The following CUBN variants were observed in gnomAD, a reference collection of about 807,000 sequenced individuals.
CUBN encodes 460 kDa receptor.
In CUBN, 282 loss-of-function variants were observed where a neutral mutation model predicts 405.3. That is an observed-to-expected ratio of 0.70 (90% confidence interval 0.63 to 0.77). CUBN has a LOEUF of 0.77. CUBN is among the 30% of genes least tolerant of loss of function. CUBN has a pLI of 0.00. For missense variants in CUBN, 4,514 were observed against 4,475.2 expected (o/e 1.01, Z -0.25); for synonymous variants, 1,684 against 1,617.0 (o/e 1.04, Z -0.99).
intron 28 of CUBN, among the ~76,000 whole-genome samples, chr10:17,001,229 A>G (rs1833869720): frequency 6.6e-6 from 1 of 152,226 alleles, no homozygotes; most frequent in Non-Finnish European, 1.5e-5. Flanking sequence ...CCAAAGAGTG[A>G]GCAGCAGCAA....
chr10:16,871,443 T>C (rs1840350762), intron 58 of CUBN, among the ~76,000 whole-genome samples: 1 of 149,894 alleles, frequency 6.7e-6, no homozygotes, highest in Non-Finnish European at 1.5e-5. Context: ...ATAAAATATA[T>C]AATAAATGCT....
At chr10:16,898,681 T>A (rs1841266930) in intron 54 of CUBN, among the ~76,000 whole-genome samples, 1 of 152,056 alleles carries the variant, frequency 6.6e-6, no homozygotes, top group Non-Finnish European at 1.5e-5. Context: ...GACTGTGGGG[T>A]CTTAATGCCC....
At chr10:17,042,445 T>C (rs984153288) in intron 26 of CUBN, among the ~76,000 whole-genome samples, 1 of 152,144 alleles carries the variant, frequency 6.6e-6, no homozygotes, top group Non-Finnish European at 1.5e-5. Context: ...TTACAGATAA[T>C]CTCACTAGTT....
chr10:17,118,907 T>C (rs1266623659), intron 6 of CUBN, among the ~76,000 whole-genome samples: 2 of 152,260 alleles, frequency 1.3e-5, no homozygotes, highest in Non-Finnish European at 2.9e-5. Flanking sequence ...AGTTATTAGT[T>C]ACTGATATAG....
At chr10:17,000,782 T>A (rs1365459901) in intron 28 of CUBN, among the ~76,000 whole-genome samples, 2 of 152,252 alleles carry the variant, frequency 1.3e-5, no homozygotes, top group Non-Finnish European at 2.9e-5. Flanking sequence ...GACACATCAC[T>A]TAACTTGTCT....
intron 6 of CUBN, among the ~76,000 whole-genome samples, chr10:17,115,800 T>C (rs1010607843): frequency 5.3e-5 from 8 of 152,266 alleles, no homozygotes; most frequent in Non-Finnish European, 1.0e-4. Flanking sequence ...GTAAATACAA[T>C]GTTGGTGAAT....
Position 17,103,180 on chromosome 10 carries a change from A to G in CUBN, c.1475T>C (p.Val492Ala). Residue 492 changes from valine (V) to alanine (A), a missense_variant, in exon 13 of 67, where the codon GTT becomes GCT. By Grantham distance (64) the Val-to-Ala change is moderately conservative. Transcript: ENST00000377833. ...NGSFSYRSPDVGYVHDVNCFW... is the reference protein window; with the variant it reads ...NGSFSYRSPDAGYVHDVNCFW... ...GCAGTTAACATCATGAACATAACCAACATCCGGGCTCCTGTAGCTGAAGCT... is the reference window on the plus strand; with the variant it reads ...GCAGTTAACATCATGAACATAACCAGCATCCGGGCTCCTGTAGCTGAAGCT... 2 of 1,614,040 alleles carry G rather than the reference A, an allele frequency of 1.2e-6. No homozygotes were observed. The highest frequency in any genetic ancestry group is 2.2e-5 in the South Asian group (2 of 91,086).
chr10:17,048,629 C>T (rs994809092), intron 22 of CUBN, among the ~76,000 whole-genome samples: 3 of 152,104 alleles, frequency 2.0e-5, no homozygotes, highest in Non-Finnish European at 4.4e-5. Context: ...AAGCATGCAC[C>T]ACCATGCCCA....
chr10:17,123,454 G>A lies in CUBN; in HGVS notation c.489+134C>T, dbSNP rs1354184154. 13 of 752,390 alleles carry A rather than the reference G, an allele frequency of 1.7e-5. No homozygotes were observed. The East Asian group carries it at 3.2e-4, about 19-fold the overall frequency. The allele number at this position is 752,390 out of a possible 1,614,324, so 46.6% of individuals were successfully genotyped here. On this transcript the variant is annotated intron_variant, in intron 5 of 66. Transcript: ENST00000377833. ...CACTGTTTGGGTTTTAGCATACCTG[G>A]TATATTTCAATTTGATTTGGGAGGC...
At chr10:17,021,474 T>A (rs1834499636) in intron 27 of CUBN, among the ~76,000 whole-genome samples, 1 of 152,194 alleles carries the variant, frequency 6.6e-6, no homozygotes, top group Non-Finnish European at 1.5e-5. Context: ...AAGCTGCCCA[T>A]GACAACGAAA....
At chr10:16,893,048 C>A (rs1841078506) in intron 54 of CUBN, among the ~76,000 whole-genome samples, 1 of 152,154 alleles carries the variant, frequency 6.6e-6, no homozygotes, top group Admixed American at 6.5e-5. Context: ...ATCAAGAACT[C>A]ATTTCATTGG....
At chr10:16,875,162 C>T (rs982880002) in intron 57 of CUBN, among the ~76,000 whole-genome samples, 8 of 151,860 alleles carry the variant, frequency 5.3e-5, no homozygotes, top group African/African-American at 1.5e-4. Flanking sequence ...AGGCCAGGCC[C>T]GTTCCTCTCC....
At chr10:17,087,972 A>G (rs2131868990) in intron 15 of CUBN, among the ~76,000 whole-genome samples, 192 bp downstream of exon 15, 1 of 152,276 alleles carries the variant, frequency 6.6e-6, no homozygotes, top group Non-Finnish European at 1.5e-5. Context: ...ATTCAAATGG[A>G]ACCCAGAAGA....
intron 6 of CUBN, among the ~76,000 whole-genome samples, chr10:17,121,005 G>C (rs1260231503): frequency 2.6e-5 from 4 of 152,184 alleles, no homozygotes; most frequent in African/African-American, 7.2e-5. Flanking sequence ...GAAATCAGGA[G>C]ATAATGGGTT....
intron 59 of CUBN, 114 bp from the exon 60 acceptor site, chr10:16,851,557 T>G (rs901565800): frequency 3.1e-6 from 3 of 959,674 alleles, no homozygotes; most frequent in African/African-American, 1.6e-5. Flanking sequence ...TCTGAGAACA[T>G]GATCAGATCA....
Position 17,043,910 on chromosome 10 carries a change from C to T in CUBN, c.3746G>A (p.Arg1249His), listed in dbSNP as rs151039810. 265 of 1,613,392 alleles carry T rather than the reference C, an allele frequency of 1.6e-4. 1 individual carries two copies. Among genetic ancestry groups the T allele is most frequent in the South Asian group, 2.3e-4 (21 of 91,078 alleles). The part of the protein sequence containing the change: ...LCGDEKPPLI[R>H]SSGDSMFIKL... ...TATAAACATGCTGTCTCCACTAGAA[C>T]GAATAAGAGGGGGTTTCTCATCCCC... Residue 1249 changes from arginine (R) to histidine (H), a missense_variant, in exon 26 of 67, where the codon CGT (arginine) becomes CAT (histidine). Arg to His is a conservative substitution (Grantham distance 29). Transcript: ENST00000377833.
chr10:16,887,953 G>A (rs1328148577), intron 56 of CUBN, among the ~76,000 whole-genome samples: 1 of 152,170 alleles, frequency 6.6e-6, no homozygotes, highest in Non-Finnish European at 1.5e-5. Flanking sequence ...AGGACATTAT[G>A]CTAAGTGAAA....
At position 16,828,996 on chromosome 10, in the gene CUBN, G is replaced by C; in HGVS notation, c.10573C>G (p.Pro3525Ala). ...LYGDRGSFTS[P>A]GYPGTYPNNT... ...TTTGGGTATGTGCCTGGATAGCCGG[G>C]GCTGGTGAATGAGCCTCTGTCTCCA... The change falls in exon 66 of 67, where the codon CCC (proline) becomes GCC (alanine). Residue 3525 changes from proline (P) to alanine (A), a missense_variant. By Grantham distance (27) the Pro-to-Ala change is conservative. Transcript: ENST00000377833. The C allele has an allele frequency of 6.2e-7, 1 of 1,614,128 alleles. No individual in the cohort carries two copies. The highest frequency in any genetic ancestry group is 8.5e-7 in the Non-Finnish European group (1 of 1,180,016).
chr10:16,834,928 A>G, intron 64 of CUBN, 86 bp downstream of exon 64: 3 of 1,211,666 alleles, frequency 2.5e-6, no homozygotes, highest in Admixed American at 1.8e-5. Context: ...ATATAATATT[A>G]GCAGCACTAG....
Sources: gnomAD v4.1 joint callset for allele counts (sites outside exome capture counted in the v4.1 genomes callset) on GRCh38, gnomAD v4.1.1 for gene constraint, MANE v1.5 for transcripts, NCBI Gene and HGNC (gene_info 2026-07-23, HGNC 2026-07-21) for gene names.